The following GPHN variants were observed in gnomAD, a reference collection of about 807,000 sequenced individuals.
GPHN encodes gephyrin.
A neutral mutation model predicts 95.5 loss-of-function variants in GPHN; 17 were observed. The observed-to-expected ratio is 0.18, with a 90% CI of 0.12 to 0.27. The LOEUF (loss-of-function observed/expected upper bound fraction) is 0.27, where lower values mean the gene tolerates loss of function less well. GPHN is among the 10% of genes least tolerant of loss of function. The pLI is 1.00. For synonymous variants in GPHN, 320 were observed against 322.5 expected, an observed-to-expected ratio of 0.99 and a Z score of 0.08; for missense variants, 660 against 978.1, an observed-to-expected ratio of 0.67 and a Z score of 4.34.
chr14:67,286,156 C>T, the GPHN span, among the ~76,000 whole-genome samples: 2 of 152,176 alleles, frequency 1.3e-5, no homozygotes, highest in Admixed American at 1.3e-4. Flanking sequence ...ATTTGCTATG[C>T]CTGCCTCTAC....
At chr14:66,791,857 G>C (rs906382111) in intron 3 of GPHN, among the ~76,000 whole-genome samples, 1 of 152,184 alleles carries the variant, frequency 6.6e-6, no homozygotes, top group African/African-American at 2.4e-5. Context: ...TAAAGACATA[G>C]GAGAGACTGG....
chr14:67,101,445 A>T (rs1941439652), intron 13 of GPHN, among the ~76,000 whole-genome samples: 1 of 151,996 alleles, frequency 6.6e-6, no homozygotes. Flanking sequence ...TGGCCACTTA[A>T]TTGAAAAATC....
the GPHN span, chr14:67,393,234 C>T: frequency 6.2e-7 from 1 of 1,612,536 alleles, no homozygotes; most frequent in African/African-American, 1.3e-5. Flanking sequence ...ATCTTGTCCA[C>T]AATGCGACTA....
the GPHN span, among the ~76,000 whole-genome samples, chr14:67,375,276 G>A: frequency 7.3e-6 from 1 of 137,716 alleles, no homozygotes; most frequent in South Asian, 2.2e-4. Flanking sequence ...GTGTGTGTGT[G>A]TGTGTGTCAC....
the GPHN span, among the ~76,000 whole-genome samples, chr14:67,728,537 A>C: frequency 2.0e-4 from 31 of 152,214 alleles, no homozygotes; most frequent in African/African-American, 7.2e-4. Flanking sequence ...AATTTACTTA[A>C]ACTTTCTGTG....
At chr14:66,617,787 A>G (rs2063113567) in intron 1 of GPHN, among the ~76,000 whole-genome samples, 2 of 152,084 alleles carry the variant, frequency 1.3e-5, no homozygotes, top group Admixed American at 1.3e-4. Flanking sequence ...TTTGAAAGAG[A>G]AATACATGTG....
At chr14:67,479,344 G>A in the GPHN span, among the ~76,000 whole-genome samples, 5,562 of 150,310 alleles carry the variant, frequency 0.037, 179 homozygotes, top group African/African-American at 0.088. Context: ...CCCAGGAGGT[G>A]GAGGTAGCAG....
At chr14:67,498,617 G>A in the GPHN span, among the ~76,000 whole-genome samples, 2 of 152,160 alleles carry the variant, frequency 1.3e-5, no homozygotes, top group East Asian at 3.8e-4. Context: ...CAGAATTAGG[G>A]TGGCTTCAAG....
At chr14:67,177,025 C>A (rs2083007519) in intron 21 of GPHN, among the ~76,000 whole-genome samples, 1 of 152,124 alleles carries the variant, frequency 6.6e-6, no homozygotes. Context: ...TTCAAAAAAC[C>A]AGCTCCTGGA....
At chr14:67,221,099 G>A in the GPHN span, among the ~76,000 whole-genome samples, 3 of 152,114 alleles carry the variant, frequency 2.0e-5, no homozygotes, top group Admixed American at 6.5e-5. Flanking sequence ...TAAGTATTTT[G>A]ATTATTATCA....
intron 8 of GPHN, among the ~76,000 whole-genome samples, chr14:66,949,993 G>A (rs1287044016): frequency 5.4e-4 from 31 of 57,824 alleles, no homozygotes; most frequent in Admixed American, 3.0e-3. Context: ...TTTAGGACAG[G>A]AAAAAAAAAA....
chr14:67,431,403 A>C, the GPHN span, among the ~76,000 whole-genome samples: 20 of 149,124 alleles, frequency 1.3e-4, no homozygotes, highest in South Asian at 2.1e-4. Flanking sequence ...AAAAAAAAAA[A>C]AAAAAAAAAA....
chr14:66,531,835 CTGT>C (rs2058952720), intron 1 of GPHN, among the ~76,000 whole-genome samples: 1 of 152,120 alleles, frequency 6.6e-6, no homozygotes, highest in African/African-American at 2.4e-5. Flanking sequence ...TTGCCAAGTA[CTGT>C]ATGACAGGGT....
At chr14:67,420,754 G>A in the GPHN span, among the ~76,000 whole-genome samples, 1 of 152,242 alleles carries the variant, frequency 6.6e-6, no homozygotes, top group Admixed American at 6.5e-5. Context: ...TGCAAGTTGG[G>A]GCCCTTAGAA....
At chr14:67,081,948 T>C (rs1429243964) in intron 11 of GPHN, among the ~76,000 whole-genome samples, 4 of 152,230 alleles carry the variant, frequency 2.6e-5, no homozygotes, top group Admixed American at 2.0e-4. Context: ...TTCTCTTTCA[T>C]TGGTCTATGT....
intron 11 of GPHN, among the ~76,000 whole-genome samples, chr14:67,083,559 C>A (rs1316599094): frequency 2.0e-5 from 3 of 152,172 alleles, no homozygotes; most frequent in Non-Finnish European, 2.9e-5. Context: ...CTCAGTATTT[C>A]TTTATAGCAG....
chr14:67,388,576 TCAAA>T, the GPHN span, among the ~76,000 whole-genome samples: 2 of 152,330 alleles, frequency 1.3e-5, no homozygotes, highest in African/African-American at 2.4e-5. Flanking sequence ...TGGAGATGTC[TCAAA>T]CAGAGCCTCT....
At chr14:67,359,609 T>C in the GPHN span, 7 of 1,609,322 alleles carry the variant, frequency 4.3e-6, no homozygotes, top group Non-Finnish European at 5.9e-6. Flanking sequence ...GGGACCGCGC[T>C]CCGGGTTCCT....
At chr14:66,642,327 T>C (rs1757941567) in intron 1 of GPHN, among the ~76,000 whole-genome samples, 1 of 152,088 alleles carries the variant, frequency 6.6e-6, no homozygotes, top group Non-Finnish European at 1.5e-5. Context: ...GGGGAGTCAT[T>C]GATTCCAAGC....
Sources: allele counts gnomAD v4.1 joint callset (sites outside exome capture counted in the v4.1 genomes callset), GRCh38; gene constraint gnomAD v4.1.1; transcripts MANE v1.5; gene names NCBI Gene and HGNC (gene_info 2026-07-23, HGNC 2026-07-21).